The following CDK14 variants were observed in gnomAD, a reference collection of about 807,000 sequenced individuals.
The protein encoded by CDK14 is cyclin-dependent kinase 14.
Under a neutral mutation model 60.7 loss-of-function variants are expected in CDK14, and 34 were observed. The ratio of observed to expected loss-of-function variants is 0.56; its 90% CI spans 0.43 to 0.75. The LOEUF (loss-of-function observed/expected upper bound fraction) is 0.75. CDK14 is among the 30% of genes least tolerant of loss of function. The pLI is 0.00. For synonymous variants in CDK14, 197 were observed against 203.7 expected, an observed-to-expected ratio of 0.97 and a Z score of 0.28; for missense variants, 482 against 564.1, an observed-to-expected ratio of 0.85 and a Z score of 1.47.
chr7:90,674,022 G>T (rs951884849), intron 2 of CDK14, among the ~76,000 whole-genome samples: 1 of 152,188 alleles, frequency 6.6e-6, no homozygotes, highest in African/African-American at 2.4e-5. Context: ...TATTATTATG[G>T]AAACACTATT....
chr7:90,629,404 A>C (rs1379280627), intron 2 of CDK14, among the ~76,000 whole-genome samples: 1 of 152,118 alleles, frequency 6.6e-6, no homozygotes, highest in Non-Finnish European at 1.5e-5. Flanking sequence ...ATTTTTAATC[A>C]CTTTGTCCCT....
chr7:90,740,266 T>TAGAG (rs200497427), intron 3 of CDK14, among the ~76,000 whole-genome samples: 42 of 122,296 alleles, frequency 3.4e-4, no homozygotes, highest in East Asian at 1.2e-3. Flanking sequence ...TATATATATA[T>TAGAG]ATATAGAGAG....
chr7:90,965,715 G>A (rs568919625), intron 9 of CDK14, among the ~76,000 whole-genome samples: 12 of 152,118 alleles, frequency 7.9e-5, no homozygotes, highest in Non-Finnish European at 1.6e-4. Context: ...CAAATTCTTA[G>A]TATTTTGAAA....
chr7:90,777,507 T>C (rs1805098997), intron 4 of CDK14, among the ~76,000 whole-genome samples: 1 of 152,250 alleles, frequency 6.6e-6, no homozygotes, highest in South Asian at 2.1e-4. Flanking sequence ...CGGGTGTTTT[T>C]ACAAATACAG....
intron 2 of CDK14, among the ~76,000 whole-genome samples, chr7:90,649,305 T>TTTCCTTCC (rs1800549457): frequency 9.8e-5 from 5 of 50,798 alleles, no homozygotes; most frequent in Admixed American, 7.4e-4. Flanking sequence ...TCTTTCTTTC[T>TTTCCTTCC]TTCTTTCCTT....
chr7:90,616,558 A>G (rs1799653813), intron 2 of CDK14, among the ~76,000 whole-genome samples: 1 of 152,188 alleles, frequency 6.6e-6, no homozygotes, highest in Non-Finnish European at 1.5e-5. Flanking sequence ...AGGCTTGGTA[A>G]CATATGGCTT....
chr7:90,888,084 G>A (rs1008900081), intron 6 of CDK14, among the ~76,000 whole-genome samples: 1 of 152,094 alleles, frequency 6.6e-6, no homozygotes, highest in Admixed American at 6.6e-5. Context: ...AGGCGCAATG[G>A]CTCACACCTG....
chr7:91,091,320 T>C (rs944834836), intron 12 of CDK14, among the ~76,000 whole-genome samples: 3 of 144,494 alleles, frequency 2.1e-5, no homozygotes, highest in East Asian at 2.0e-4. Flanking sequence ...ATAATTTATG[T>C]ATACACATAT....
intron 2 of CDK14, among the ~76,000 whole-genome samples, chr7:90,687,029 T>C (rs926789124): frequency 6.6e-6 from 1 of 152,134 alleles, no homozygotes. Flanking sequence ...TGTGAATACA[T>C]GATCTAGTTG....
At chr7:91,200,914 A>G (rs1342793197) in intron 14 of CDK14, among the ~76,000 whole-genome samples, 1 of 152,256 alleles carries the variant, frequency 6.6e-6, no homozygotes, top group Non-Finnish European at 1.5e-5. Flanking sequence ...TAAGTCCAGT[A>G]TAGAACACCA....
At chr7:91,135,053 A>T (rs1317645845) in intron 14 of CDK14, among the ~76,000 whole-genome samples, 1 of 152,074 alleles carries the variant, frequency 6.6e-6, no homozygotes, top group Non-Finnish European at 1.5e-5. Flanking sequence ...TTTCATTTTA[A>T]ATTTTCTTTC....
chr7:91,199,305 T>C (rs905657092), intron 14 of CDK14, among the ~76,000 whole-genome samples: 2 of 152,104 alleles, frequency 1.3e-5, no homozygotes, highest in Non-Finnish European at 2.9e-5. Flanking sequence ...AAAAATGATA[T>C]ATGTATACAA....
At chr7:91,076,342 G>C (rs948384785) in intron 11 of CDK14, among the ~76,000 whole-genome samples, 5 of 145,124 alleles carry the variant, frequency 3.4e-5, no homozygotes, top group Non-Finnish European at 7.5e-5. Context: ...CAGAAACAAT[G>C]CCACACATCT....
At chr7:90,721,570 C>T (rs192029018) in intron 2 of CDK14, among the ~76,000 whole-genome samples, 49 of 152,272 alleles carry the variant, frequency 3.2e-4, no homozygotes, top group Non-Finnish European at 5.6e-4. Context: ...CTGGTAACAG[C>T]TGGATGTTTC....
At chr7:90,828,921 T>C (rs1045674022) in intron 5 of CDK14, among the ~76,000 whole-genome samples, 3 of 152,144 alleles carry the variant, frequency 2.0e-5, no homozygotes, top group African/African-American at 4.8e-5. Flanking sequence ...TACTGGAGAT[T>C]GGGCAATTTA....
At chr7:90,814,698 C>A (rs909793658) in intron 5 of CDK14, among the ~76,000 whole-genome samples, 1 of 152,184 alleles carries the variant, frequency 6.6e-6, no homozygotes, top group Non-Finnish European at 1.5e-5. Flanking sequence ...ATTGCTTGAA[C>A]CGAGGAGGTG....
intron 2 of CDK14, among the ~76,000 whole-genome samples, chr7:90,638,959 C>T (rs1305865585): frequency 3.9e-5 from 6 of 152,078 alleles, no homozygotes; most frequent in Non-Finnish European, 8.8e-5. Flanking sequence ...ACGTAGTTCT[C>T]GAGCCTTGGC....
At chr7:91,061,079 C>T (rs1272102662) in intron 11 of CDK14, among the ~76,000 whole-genome samples, 1 of 152,202 alleles carries the variant, frequency 6.6e-6, no homozygotes, top group Non-Finnish European at 1.5e-5. Flanking sequence ...TCACATATTT[C>T]TTGGAGGCTT....
intron 14 of CDK14, among the ~76,000 whole-genome samples, chr7:91,181,290 A>G (rs1801993045): frequency 6.6e-6 from 1 of 152,112 alleles, no homozygotes; most frequent in Non-Finnish European, 1.5e-5. Context: ...CTTGTCCTTT[A>G]GAGTTTCCCA....
Sources: gnomAD v4.1 joint callset for allele counts (sites outside exome capture counted in the v4.1 genomes callset) on GRCh38, gnomAD v4.1.1 for gene constraint, MANE v1.5 for transcripts, NCBI Gene and HGNC (gene_info 2026-07-23, HGNC 2026-07-21) for gene names.